Variants in HERPUD1 observed in about 807,000 individuals in gnomAD.
HERPUD1 encodes homocysteine inducible ER protein with ubiquitin like domain 1.
HERPUD1 carries 17 observed loss-of-function variants against 45.0 expected under a neutral mutation model. That is an observed-to-expected ratio of 0.38 (90% CI 0.26 to 0.57). The LOEUF is 0.57. Among genes scored for constraint, HERPUD1 ranks in the 20% least tolerant of loss-of-function variants. HERPUD1 has a pLI of 0.72. For synonymous variants in HERPUD1, 164 were observed against 177.5 expected (o/e 0.92, Z 0.61); for missense variants, 420 against 490.5 (o/e 0.86, Z 1.36).
At chr16:56,938,737 AC>A (rs1369650056) in intron 4 of HERPUD1, among the ~76,000 whole-genome samples, 3 of 152,012 alleles carry the variant, frequency 2.0e-5, no homozygotes, top group African/African-American at 7.2e-5. Flanking sequence ...CCTGTACAGG[AC>A]CCCCGGTGGT....
At chr16:56,932,493 G>C (rs1162617852) in intron 1 of HERPUD1, 102 bp downstream of exon 1, 1 of 1,115,434 alleles carries the variant, frequency 9.0e-7, no homozygotes, top group Non-Finnish European at 1.2e-6. Context: ...TCCCGCTGAC[G>C]GCTGCGATCG....
Position 56,939,933 on chromosome 16 carries a change from C to T in HERPUD1, c.593C>T (p.Pro198Leu), listed in dbSNP as rs777596278. The T allele has an allele frequency of 6.2e-7, 1 of 1,612,886 alleles. No homozygotes were observed. Among genetic ancestry groups the T allele is most frequent in the East Asian group, 2.2e-5 (1 of 44,856 alleles). The change falls in exon 6 of 8, where the codon CCA becomes CTA. Residue 198 changes from proline to leucine, a missense_variant. By Grantham distance (98) the Pro-to-Leu change is moderately conservative. Coordinates refer to ENST00000439977, the MANE Select transcript of HERPUD1 (RefSeq NM_014685.4). ...ATAASGAFVP[P>L]PSAQEIPVVS... Reference sequence around the variant, plus strand: ...GCTGCATCAGGGGCTTTTGTTCCACCACCAAGTGCACAAGAGATACCTGTG... The same window carrying T: ...GCTGCATCAGGGGCTTTTGTTCCACTACCAAGTGCACAAGAGATACCTGTG...
At chr16:56,938,339 G>A (rs148144662) in intron 4 of HERPUD1, among the ~76,000 whole-genome samples, 1,523 of 152,186 alleles carry the variant, frequency 0.01, 35 homozygotes, top group African/African-American at 0.034. Flanking sequence ...CAAGGTGGGC[G>A]GATCACGAGG....
At chr16:56,932,465 C>T (rs1393732387) in intron 1 of HERPUD1, 74 bp downstream of exon 1, 2 of 1,354,930 alleles carry the variant, frequency 1.5e-6, no homozygotes, top group Admixed American at 2.8e-5. Context: ...CGTCCGGCTG[C>T]CCTGTCCTGT....
intron 1 of HERPUD1, among the ~76,000 whole-genome samples, chr16:56,934,458 C>T (rs868599006): frequency 5.2e-4 from 79 of 152,266 alleles, no homozygotes; most frequent in African/African-American, 1.8e-3. Flanking sequence ...ACGCCATCTC[C>T]TCTATAACTG....
At chr16:56,940,357 A>G (rs761175278) in intron 6 of HERPUD1, 112 bp downstream of exon 6, 56 of 746,128 alleles carry the variant, frequency 7.5e-5, no homozygotes, top group Non-Finnish European at 1.1e-4. Flanking sequence ...TCTGTCATTC[A>G]GGCTGGAGTA....
intron 5 of HERPUD1, 31 bp from the exon 6 acceptor site, chr16:56,939,864 A>G (rs757948420): frequency 1.3e-6 from 2 of 1,561,702 alleles, no homozygotes; most frequent in Admixed American, 1.7e-5. Context: ...TTTGGTCTCA[A>G]CAGTATCTGC....
chr16:56,940,207 A>G lies in HERPUD1; in HGVS notation c.867A>G (p.Arg289=). The change falls in exon 6 of 8, where the codon AGA becomes AGG. Residue 289 remains arginine (R), a synonymous_variant. Coordinates refer to ENST00000439977, the MANE Select transcript of HERPUD1 (RefSeq NM_014685.4). ...SILYFYSSLS[R]FLMVMGATVV... ...TCTACTTCTACTCCTCCCTGAGCAG[A>G]TTCCTCATGGTCATGGGGGCCACCG... 1 of 1,614,056 alleles carries G rather than the reference A, an allele frequency of 6.2e-7. No individual in the cohort carries two copies. Among genetic ancestry groups the G allele is most frequent in the Admixed American group, 1.7e-5 (1 of 60,020 alleles).
rs561337921 is a variant in HERPUD1 at position 56,937,677 on chromosome 16, A to G, written c.431+860A>G. 2.1e-4 allele frequency among the ~76,000 whole-genome samples: 31 copies of G among 151,074 alleles called. No individual in the cohort carries two copies. The South Asian group carries it at 5.7e-3, about 28-fold the overall frequency. Reference sequence around the variant, plus strand: ...CCAGGCATCATGTTATTTCATCCCTATATTCTTCAGTATATAACTATGAAA... The same window carrying G: ...CCAGGCATCATGTTATTTCATCCCTGTATTCTTCAGTATATAACTATGAAA... On this transcript the variant is annotated intron_variant, in intron 4 of 7. Coordinates refer to ENST00000439977, the MANE Select transcript of HERPUD1 (RefSeq NM_014685.4).
At chr16:56,937,662 T>C (rs994310293) in intron 4 of HERPUD1, among the ~76,000 whole-genome samples, 4 of 151,330 alleles carry the variant, frequency 2.6e-5, no homozygotes, top group African/African-American at 9.7e-5. Flanking sequence ...CCAGGCATCA[T>C]GTTATTTCAT....
chr16:56,936,840 T>A, intron 4 of HERPUD1, 23 bp downstream of exon 4: 2 of 1,611,086 alleles, frequency 1.2e-6, no homozygotes, highest in Non-Finnish European at 1.7e-6. Flanking sequence ...ATAAAGATCT[T>A]GGCTTATGCA....
rs755084875 is a variant in HERPUD1 at position 56,943,631 on chromosome 16, A to T, written c.*341A>T. 6 of 428,044 alleles carry T rather than the reference A, an allele frequency of 1.4e-5. No homozygotes were observed. The highest frequency in any genetic ancestry group is 2.2e-5 in the Non-Finnish European group (5 of 228,074). 26.5% of individuals were successfully genotyped at this position (428,044 alleles called of 1,614,324 possible). A position where few individuals can be genotyped will look rare whatever the true frequency, so the allele number is the denominator to read the frequency against. ...GTCTGCATGTGTGTTTGTACATAGA[A>T]GTCATAGATGCAGAAGTGGTTCTGC... On this transcript the variant is annotated 3_prime_UTR_variant, in exon 8 of 8. Coordinates refer to ENST00000439977, the MANE Select transcript of HERPUD1 (RefSeq NM_014685.4).
chr16:56,935,873 G>C lies in HERPUD1; in HGVS notation c.300+398G>C, dbSNP rs77665021. ...TATATTTCCTTTGGAAATTTTCATT[G>C]TGATTAGTTGGATAGGAAAAGATCA... On this transcript the variant is annotated intron_variant, in intron 3 of 7. Transcript: ENST00000439977. 3.8e-3 allele frequency: 619 copies of C among 162,032 alleles called. 6 individuals are homozygous for C. The highest frequency in any genetic ancestry group is 0.014 in the African/African-American group (583 of 41,554). 10.0% of individuals were successfully genotyped at this position (162,032 alleles called of 1,614,324 possible). A position where few individuals can be genotyped will look rare whatever the true frequency, so the allele number is the denominator to read the frequency against.
intron 1 of HERPUD1, chr16:56,933,175 T>C (rs1162882482): frequency 2.3e-6 from 1 of 439,728 alleles, no homozygotes; most frequent in Non-Finnish European, 4.5e-6. Flanking sequence ...GTGTCAGCAG[T>C]GTTCTTCACT....
intron 1 of HERPUD1, among the ~76,000 whole-genome samples, chr16:56,934,683 C>T (rs2144815955): frequency 7.4e-6 from 1 of 134,232 alleles, no homozygotes; most frequent in South Asian, 2.5e-4. Context: ...TAAGTTTGGA[C>T]TGGAGATAAT....
chr16:56,943,844 G>T lies in HERPUD1; in HGVS notation c.*554G>T. 1 of 203,566 alleles carries T rather than the reference G, an allele frequency of 4.9e-6. No individual in the cohort carries two copies. The highest frequency in any genetic ancestry group is 1.0e-5 in the Non-Finnish European group (1 of 96,986). The allele number at this position is 203,566 out of a possible 1,614,324, so 12.6% of individuals were successfully genotyped here. On this transcript the variant is annotated 3_prime_UTR_variant, in exon 8 of 8. Transcript: ENST00000439977. ...TTGCGGAGGTGAAAACCTTTGCTGGGTTTTCTGTTCAATAAAGTTTTACTA... is the reference window on the plus strand; with the variant it reads ...TTGCGGAGGTGAAAACCTTTGCTGGTTTTTCTGTTCAATAAAGTTTTACTA...
chr16:56,932,190 GCC>G lies in HERPUD1; in HGVS notation c.-54_-53del. 1.3e-6 allele frequency: 2 copies of G among 1,585,120 alleles called. No homozygotes were observed. The highest frequency in any genetic ancestry group is 1.1e-5 in the South Asian group (1 of 88,950). On this transcript the variant is annotated 5_prime_UTR_variant, in exon 1 of 8. Coordinates refer to ENST00000439977, the MANE Select transcript of HERPUD1 (RefSeq NM_014685.4). ...TGCAGAGATTGCGGGCGGCTGAGACGCCGCCTGCCTGGCACCTAGGAGCGCAG... is the reference window on the plus strand; with the variant it reads ...TGCAGAGATTGCGGGCGGCTGAGACGGCCTGCCTGGCACCTAGGAGCGCAG...
chr16:56,943,389 T>C lies in HERPUD1; in HGVS notation c.*99T>C. On this transcript the variant is annotated 3_prime_UTR_variant, in exon 8 of 8. Transcript: ENST00000439977. Reference sequence around the variant, plus strand: ...CTCCTGGACATGGCAATGATGAGTTTTTAAAAAACAGTGTGGATGATGATA... The same window carrying C: ...CTCCTGGACATGGCAATGATGAGTTCTTAAAAAACAGTGTGGATGATGATA... 7.5e-7 allele frequency: 1 copy of C among 1,341,274 alleles called. No individual in the cohort carries two copies. 83.1% of individuals were successfully genotyped at this position (1,341,274 alleles called of 1,614,324 possible).
At chr16:56,936,494 C>A in intron 3 of HERPUD1, 193 bp from the exon 4 acceptor site, 1 of 371,822 alleles carries the variant, frequency 2.7e-6, no homozygotes, top group Non-Finnish European at 4.7e-6. Context: ...AATATTTTAG[C>A]ATCTATGTAT....
Sources: gnomAD v4.1 joint callset for allele counts (sites outside exome capture counted in the v4.1 genomes callset) on GRCh38, gnomAD v4.1.1 for gene constraint, MANE v1.5 for transcripts, NCBI Gene and HGNC (gene_info 2026-07-23, HGNC 2026-07-21) for gene names.